The following PPFIA2 variants were observed in gnomAD, a reference collection of about 807,000 sequenced individuals.
PPFIA2 encodes liprin-alpha-2.
Under a neutral mutation model 175.5 loss-of-function variants are expected in PPFIA2, and 46 were observed. The observed-to-expected ratio is 0.26, with a 90% confidence interval of 0.21 to 0.34. PPFIA2 has a LOEUF of 0.34. Among genes scored for constraint, PPFIA2 ranks in the 10% least tolerant of loss-of-function variants. The pLI is 1.00. For missense variants in PPFIA2, 1,179 were observed against 1,506.1 expected, an observed-to-expected ratio of 0.78 and a Z score of 3.60; for synonymous variants, 568 against 511.4, an observed-to-expected ratio of 1.11 and a Z score of -1.49.
chr12:81,414,091 G>A, intron 7 of PPFIA2, among the ~76,000 whole-genome samples: 1 of 151,592 alleles, frequency 6.6e-6, no homozygotes, highest in East Asian at 1.9e-4. Context: ...CTAACACAGA[G>A]GAAATATGTA....
chr12:81,492,580 G>C (rs2059538527), intron 4 of PPFIA2, among the ~76,000 whole-genome samples: 1 of 152,030 alleles, frequency 6.6e-6, no homozygotes. Flanking sequence ...AAGACAGCAA[G>C]GGAGTAAGAC....
At chr12:81,735,166 T>A (rs1007563180) in intron 3 of PPFIA2, among the ~76,000 whole-genome samples, 1 of 151,956 alleles carries the variant, frequency 6.6e-6, no homozygotes, top group South Asian at 2.1e-4. Flanking sequence ...AGGAGTAAAT[T>A]TTTTTAATTA....
chr12:81,458,939 G>A (rs2054053751), intron 4 of PPFIA2, among the ~76,000 whole-genome samples: 2 of 152,194 alleles, frequency 1.3e-5, no homozygotes, highest in South Asian at 4.1e-4. Context: ...TAAAATGAAG[G>A]AGACAGGTTT....
At chr12:81,480,155 A>G (rs1363201478) in intron 4 of PPFIA2, among the ~76,000 whole-genome samples, 3 of 151,900 alleles carry the variant, frequency 2.0e-5, no homozygotes, top group Non-Finnish European at 4.4e-5. Flanking sequence ...TATTTCATTA[A>G]GTTAATCTTC....
intron 4 of PPFIA2, among the ~76,000 whole-genome samples, chr12:81,586,362 A>C (rs1798387828): frequency 6.6e-6 from 1 of 151,942 alleles, no homozygotes; most frequent in South Asian, 2.1e-4. Flanking sequence ...TTAACATGCC[A>C]GTAATAGCAT....
chr12:81,604,027 T>C (rs1282028752), intron 4 of PPFIA2, among the ~76,000 whole-genome samples: 4 of 151,594 alleles, frequency 2.6e-5, no homozygotes, highest in Non-Finnish European at 3.0e-5. Flanking sequence ...TTTAGGAACT[T>C]TAAATTTTGT....
chr12:81,571,987 T>C (rs969550450), intron 4 of PPFIA2, among the ~76,000 whole-genome samples: 1 of 152,062 alleles, frequency 6.6e-6, no homozygotes, highest in Non-Finnish European at 1.5e-5. Context: ...TGCTGGATCA[T>C]GTAGTCTTAA....
At chr12:81,659,230 A>G (rs2068343964) in intron 4 of PPFIA2, among the ~76,000 whole-genome samples, 1 of 152,108 alleles carries the variant, frequency 6.6e-6, no homozygotes, top group Non-Finnish European at 1.5e-5. Flanking sequence ...GGACAGTGGT[A>G]CAGTGCACCA....
At chr12:81,679,947 T>C (rs2073296076) in intron 3 of PPFIA2, among the ~76,000 whole-genome samples, 1 of 151,968 alleles carries the variant, frequency 6.6e-6, no homozygotes, top group African/African-American at 2.4e-5. Flanking sequence ...AAATGATAAC[T>C]AAAAGTGAGT....
Position 81,353,256 on chromosome 12 carries a change from T to A in PPFIA2, c.1857A>T (p.Glu619Asp). 6.2e-7 allele frequency: 1 copy of A among 1,613,758 alleles called. No homozygotes were observed. Among genetic ancestry groups the A allele is most frequent in the South Asian group, 1.1e-5 (1 of 91,076 alleles). The change falls in exon 17 of 33, where the codon GAA (glutamate) becomes GAT (aspartate). Residue 619 changes from glutamate to aspartate, a missense_variant. Around this residue, in one of 10 missense-constraint regions of PPFIA2, gnomAD observed 186 missense variants for 163.6 expected, o/e 1.14. Transcript: ENST00000549396. ...TGTCATCATCATCAATATCAGACATTTCAGTGTCACTTTCAAAAGGGTGGC... is the reference window on the plus strand; with the variant it reads ...TGTCATCATCATCAATATCAGACATATCAGTGTCACTTTCAAAAGGGTGGC... ...LSSHPFESDT[E>D]MSDIDDDDRE...
chr12:81,377,479 G>A (rs1160237845), intron 9 of PPFIA2, among the ~76,000 whole-genome samples: 2 of 151,844 alleles, frequency 1.3e-5, no homozygotes, highest in Non-Finnish European at 2.9e-5. Flanking sequence ...CTTGAACCTG[G>A]GAGGTGGAGG....
chr12:81,417,961 A>G (rs1331741772), intron 7 of PPFIA2, among the ~76,000 whole-genome samples: 1 of 151,812 alleles, frequency 6.6e-6, no homozygotes, highest in Non-Finnish European at 1.5e-5. Flanking sequence ...TAAAAAGACC[A>G]CAATGACATT....
intron 3 of PPFIA2, among the ~76,000 whole-genome samples, chr12:81,725,553 A>T (rs776731109): frequency 2.6e-5 from 4 of 151,020 alleles, no homozygotes; most frequent in Non-Finnish European, 5.9e-5. Flanking sequence ...ATCCATGTTA[A>T]TGAAGAAGAA....
chr12:81,386,686 T>C (rs527600885), intron 8 of PPFIA2, among the ~76,000 whole-genome samples: 94 of 152,088 alleles, frequency 6.2e-4, no homozygotes, highest in African/African-American at 1.6e-3. Context: ...CTAGCTACTT[T>C]GGAGAAGTTT....
intron 4 of PPFIA2, among the ~76,000 whole-genome samples, chr12:81,599,460 C>A (rs754312697): frequency 1.6e-4 from 24 of 151,910 alleles, no homozygotes; most frequent in Non-Finnish European, 3.4e-4. Context: ...ATTTAACTAG[C>A]AAACTGCTAA....
At chr12:81,453,058 A>T (rs1473112823) in intron 5 of PPFIA2, among the ~76,000 whole-genome samples, 2 of 151,236 alleles carry the variant, frequency 1.3e-5, no homozygotes, top group African/African-American at 4.9e-5. Context: ...GGTTAGTTAC[A>T]TATGTATACA....
chr12:81,596,376 C>T (rs898683684), intron 4 of PPFIA2, among the ~76,000 whole-genome samples: 1 of 151,778 alleles, frequency 6.6e-6, no homozygotes, highest in African/African-American at 2.4e-5. Context: ...TGTTATAGAC[C>T]TCAGGATCAA....
At chr12:81,539,419 G>A (rs2065884686) in intron 4 of PPFIA2, among the ~76,000 whole-genome samples, 1 of 151,890 alleles carries the variant, frequency 6.6e-6, no homozygotes, top group Admixed American at 6.6e-5. Flanking sequence ...GTCTGGAGAG[G>A]AAAAGAAGCT....
intron 4 of PPFIA2, among the ~76,000 whole-genome samples, chr12:81,577,583 G>A (rs1036952278): frequency 6.6e-6 from 1 of 151,976 alleles, no homozygotes; most frequent in South Asian, 2.1e-4. Flanking sequence ...CAGCAAGAAA[G>A]TTTCATTAAA....
Sources: allele counts gnomAD v4.1 joint callset (sites outside exome capture counted in the v4.1 genomes callset), GRCh38; gene constraint gnomAD v4.1.1; regional missense constraint gnomAD v4.1.1; transcripts MANE v1.5; gene names NCBI Gene and HGNC (gene_info 2026-07-23, HGNC 2026-07-21).